MAPK10: variants seen among roughly 807,000 people sequenced by gnomAD.
MAPK10 encodes mitogen-activated protein kinase 10.
Under a neutral mutation model 59.3 loss-of-function variants are expected in MAPK10, and 25 were observed. That is an observed-to-expected ratio of 0.42 (90% CI 0.31 to 0.59). The LOEUF is 0.59. Among genes scored for constraint, MAPK10 ranks in the 20% least tolerant of loss-of-function variants. The pLI is 0.15. For missense variants in MAPK10, 351 were observed against 568.9 expected (o/e 0.62, Z 3.90); for synonymous variants, 190 against 200.5 (o/e 0.95, Z 0.44).
chr4:86,359,754 G>A lies in MAPK10; in HGVS notation c.-218C>T. ...ATTAACCACATTCCAGACTAACATGGAAGAGATTCTTTGGAGATATGGAGA... is the reference window on the plus strand; with the variant it reads ...ATTAACCACATTCCAGACTAACATGAAAGAGATTCTTTGGAGATATGGAGA... On this transcript the variant is annotated 5_prime_UTR_variant, in exon 1 of 14. Coordinates refer to ENST00000641462, the MANE Select transcript of MAPK10 (RefSeq NM_138982.4). 1.0e-6 allele frequency: 1 copy of A among 985,604 alleles called. No individual in the cohort carries two copies. The highest frequency in any genetic ancestry group is 1.2e-6 in the Non-Finnish European group (1 of 829,804). 61.1% of individuals were successfully genotyped at this position (985,604 alleles called of 1,614,324 possible).
At chr4:86,028,825 G>C (rs562288227) in intron 13 of MAPK10, 2 of 288,406 alleles carry the variant, frequency 6.9e-6, no homozygotes, top group Admixed American at 9.4e-5. Flanking sequence ...AAGAATGAAT[G>C]AGGGAAGAGG....
At chr4:86,183,134 T>C (rs979339143) in intron 3 of MAPK10, among the ~76,000 whole-genome samples, 6 of 141,420 alleles carry the variant, frequency 4.2e-5, no homozygotes, top group Middle Eastern at 3.5e-3. Flanking sequence ...TAGTTTTGGC[T>C]GGTTTTTTTT....
chr4:86,030,572 A>AC (rs2038798637), intron 12 of MAPK10, among the ~76,000 whole-genome samples: 2 of 152,034 alleles, frequency 1.3e-5, no homozygotes, highest in South Asian at 2.1e-4. Flanking sequence ...GGCTCAAGTG[A>AC]TCCCCCAGCC....
chr4:86,376,071 A>T (rs939462428), intron 1 of MAPK10, among the ~76,000 whole-genome samples: 1 of 152,178 alleles, frequency 6.6e-6, no homozygotes, highest in African/African-American at 2.4e-5. Flanking sequence ...AAAAATTGAG[A>T]TATGCCAACT....
At chr4:86,497,939 T>C (rs1307965406) in intron 1 of MAPK10, among the ~76,000 whole-genome samples, 3 of 152,232 alleles carry the variant, frequency 2.0e-5, no homozygotes, top group African/African-American at 7.2e-5. Flanking sequence ...TGAGCACAAC[T>C]GGCTTCTTGG....
At chr4:86,171,904 G>C (rs1172324545) in intron 3 of MAPK10, among the ~76,000 whole-genome samples, 1 of 151,038 alleles carries the variant, frequency 6.6e-6, no homozygotes, top group Non-Finnish European at 1.5e-5. Context: ...CCATCAAAAA[G>C]TGGGCGAAGG....
At chr4:86,519,144 A>G (rs1756926217) in intron 1 of MAPK10, among the ~76,000 whole-genome samples, 2 of 152,184 alleles carry the variant, frequency 1.3e-5, no homozygotes, top group African/African-American at 2.4e-5. Context: ...ATTCTAGGGT[A>G]TAGTTTAAGT....
At chr4:86,072,134 C>G (rs59102300) in intron 9 of MAPK10, among the ~76,000 whole-genome samples, 1 of 148,052 alleles carries the variant, frequency 6.8e-6, no homozygotes, top group Non-Finnish European at 1.5e-5. Flanking sequence ...ATTCCTAGGT[C>G]TTTTATTCTC....
At chr4:86,438,322 GATCAT>G (rs1313230795) in intron 1 of MAPK10, among the ~76,000 whole-genome samples, 6 of 152,104 alleles carry the variant, frequency 3.9e-5, no homozygotes, top group Admixed American at 1.3e-4. Context: ...TCTTTATGAT[GATCAT>G]ATTATAAAGT....
chr4:86,350,103 G>A (rs745449686), intron 2 of MAPK10, among the ~76,000 whole-genome samples: 39 of 152,154 alleles, frequency 2.6e-4, no homozygotes, highest in Non-Finnish European at 3.5e-4. Context: ...CCAGGTTGGA[G>A]TACAGTGGTG....
chr4:86,551,789 G>A (rs1400616714), intron 1 of MAPK10, among the ~76,000 whole-genome samples: 1 of 152,094 alleles, frequency 6.6e-6, no homozygotes, highest in Non-Finnish European at 1.5e-5. Context: ...ATTTTTAGTA[G>A]AGACAAGGTT....
chr4:86,313,315 T>C (rs1338546999), intron 2 of MAPK10, among the ~76,000 whole-genome samples: 1 of 152,092 alleles, frequency 6.6e-6, no homozygotes, highest in Non-Finnish European at 1.5e-5. Flanking sequence ...AATTATGTCC[T>C]TGAGATAGGC....
At chr4:86,128,403 T>C (rs1400028921) in intron 4 of MAPK10, among the ~76,000 whole-genome samples, 1 of 152,136 alleles carries the variant, frequency 6.6e-6, no homozygotes, top group Non-Finnish European at 1.5e-5. Flanking sequence ...TTCCCCATCC[T>C]GTTCTCATGA....
At chr4:86,575,712 A>G (rs777761110) in intron 1 of MAPK10, among the ~76,000 whole-genome samples, 1 of 151,132 alleles carries the variant, frequency 6.6e-6, no homozygotes, top group Non-Finnish European at 1.5e-5. Flanking sequence ...ATTACTTTTT[A>G]AATGGTAAAG....
chr4:86,304,594 G>C (rs539592905), intron 2 of MAPK10, among the ~76,000 whole-genome samples: 2 of 151,110 alleles, frequency 1.3e-5, no homozygotes, highest in Non-Finnish European at 3.0e-5. Flanking sequence ...GGGTTTCACC[G>C]TGTTAGCCAA....
chr4:86,149,690 C>A (rs1243951215), intron 4 of MAPK10, among the ~76,000 whole-genome samples: 1 of 152,232 alleles, frequency 6.6e-6, no homozygotes, highest in South Asian at 2.1e-4. Context: ...CTAACAGGCA[C>A]TGACTGCTAA....
In MAPK10 at chr4:86,016,660, A is replaced by T. The variant is rs577732720; in HGVS notation, c.*568T>A. 32 of 153,916 alleles carry T rather than the reference A, an allele frequency of 2.1e-4. No individual in the cohort carries two copies. The highest frequency in any genetic ancestry group is 7.2e-4 in the African/African-American group (30 of 41,582). The allele number at this position is 153,916 out of a possible 1,614,324, so 9.5% of individuals were successfully genotyped here. On this transcript the variant is annotated 3_prime_UTR_variant, in exon 14 of 14. Coordinates refer to ENST00000641462, the MANE Select transcript of MAPK10 (RefSeq NM_138982.4). ...TATATTACAGATGGGTTTATGTCAG[A>T]GTAATAGATCACATGAAATGGACCA...
intron 1 of MAPK10, among the ~76,000 whole-genome samples, chr4:86,393,885 C>A (rs1006149055): frequency 6.6e-6 from 1 of 152,192 alleles, no homozygotes; most frequent in Non-Finnish European, 1.5e-5. Flanking sequence ...TGAAGTACCT[C>A]TTTAAGAGTA....
intron 1 of MAPK10, among the ~76,000 whole-genome samples, chr4:86,587,836 C>A (rs1277888643): frequency 1.3e-5 from 2 of 152,268 alleles, no homozygotes; most frequent in South Asian, 2.1e-4. Flanking sequence ...GAGATATAGA[C>A]CCCTTTGTGA....
Sources: gnomAD v4.1 joint callset for allele counts (sites outside exome capture counted in the v4.1 genomes callset) on GRCh38, gnomAD v4.1.1 for gene constraint, MANE v1.5 for transcripts, NCBI Gene and HGNC (gene_info 2026-07-23, HGNC 2026-07-21) for gene names.